The following IMPG2 variants were observed in gnomAD, a reference collection of about 807,000 sequenced individuals.
IMPG2 encodes interphotoreceptor matrix proteoglycan 2.
A neutral mutation model predicts 129.2 loss-of-function variants in IMPG2; 91 were observed. The ratio of observed to expected loss-of-function variants is 0.70; its 90% CI spans 0.59 to 0.84. The LOEUF is 0.84. Among genes scored for constraint, IMPG2 ranks in the 40% least tolerant of loss-of-function variants. The pLI, the probability that IMPG2 is intolerant of heterozygous loss-of-function variation, is 0.00. For synonymous variants in IMPG2, 510 were observed against 517.7 expected (o/e 0.99, Z 0.20); for missense variants, 1,430 against 1,461.7 (o/e 0.98, Z 0.35).
intron 2 of IMPG2, among the ~76,000 whole-genome samples, chr3:101,304,969 A>C (rs968652500): frequency 6.6e-6 from 1 of 152,136 alleles, no homozygotes; most frequent in Non-Finnish European, 1.5e-5. Flanking sequence ...TCAAACTACT[A>C]TATTTCATAT....
rs1348202055 is a variant in IMPG2 at position 101,276,711 on chromosome 3, G to C, written c.536C>G (p.Ser179Cys). Residue 179 changes from serine to cysteine, a missense_variant and splice_region_variant, in exon 5 of 19, where the codon TCT becomes TGT. By Grantham distance (112) the Ser-to-Cys change is moderately radical. Coordinates refer to ENST00000193391, the MANE Select transcript of IMPG2 (RefSeq NM_016247.4). ...AACAGGAACTGGAGAAGACAGTTCA[G>C]AGCTAGAAAAAAAAATGTTTGCAGT... is the stretch of plus-strand genomic sequence containing the variant. ...LTYAKETVSS[S>C]ELSSPVPVGD... 6.2e-7 allele frequency: 1 copy of C among 1,606,952 alleles called. No individual in the cohort carries two copies. The highest frequency in any genetic ancestry group is 8.5e-7 in the Non-Finnish European group (1 of 1,174,138).
intron 14 of IMPG2, among the ~76,000 whole-genome samples, chr3:101,233,524 T>C (rs931148453): frequency 1.3e-5 from 2 of 152,172 alleles, no homozygotes; most frequent in Non-Finnish European, 2.9e-5. Context: ...ACAGTCAAGA[T>C]TTGTGAAAAT....
intron 9 of IMPG2, among the ~76,000 whole-genome samples, chr3:101,258,513 G>A (rs1706637193): frequency 6.6e-6 from 1 of 152,062 alleles, no homozygotes; most frequent in Non-Finnish European, 1.5e-5. Context: ...TTAGTAATCT[G>A]TTCCCAATTA....
chr3:101,315,202 T>C (rs1055129937), intron 2 of IMPG2, among the ~76,000 whole-genome samples: 10 of 152,204 alleles, frequency 6.6e-5, no homozygotes, highest in African/African-American at 1.9e-4. Context: ...AAGCCTGCCA[T>C]TGTTTGTTGT....
rs66908707 is a variant in IMPG2, at chr3:101,226,225, T to TTATATA, written c.*738_*743dup. ...TAGATTAATGGGAATCTTCTAAACT[T>TTATATA]TATATATATATATATATATATATAT... On this transcript the variant is annotated 3_prime_UTR_variant, in exon 19 of 19. Coordinates refer to ENST00000193391, the MANE Select transcript of IMPG2 (RefSeq NM_016247.4). 1.2e-3 allele frequency: 128 copies of TTATATA among 102,798 alleles called. 2 individuals carry two copies. Among genetic ancestry groups the TTATATA allele is most frequent in the African/African-American group, 1.9e-3 (43 of 22,920 alleles). The allele number at this position is 102,798 out of a possible 1,614,324, so 6.4% of individuals were successfully genotyped here. A position where few individuals can be genotyped will look rare whatever the true frequency, so the allele number is the denominator to read the frequency against.
chr3:101,235,003 C>T (rs2107210185), intron 14 of IMPG2, among the ~76,000 whole-genome samples: 1 of 152,310 alleles, frequency 6.6e-6, no homozygotes, highest in South Asian at 2.1e-4. Context: ...GAACACACGT[C>T]TACACAAAAA....
chr3:101,254,385 G>C (rs773236159), intron 10 of IMPG2, among the ~76,000 whole-genome samples: 1 of 152,052 alleles, frequency 6.6e-6, no homozygotes, highest in Non-Finnish European at 1.5e-5. Flanking sequence ...TTCTCTTCTA[G>C]AAGCATTGCA....
intron 9 of IMPG2, among the ~76,000 whole-genome samples, chr3:101,264,646 G>A (rs1450263562): frequency 6.6e-6 from 1 of 152,068 alleles, no homozygotes; most frequent in African/African-American, 2.4e-5. Flanking sequence ...AACAAGGCAA[G>A]AATGCCCACT....
rs569847526 is a variant in IMPG2, at chr3:101,292,197, A to C, written c.502-687T>G. Among the ~76,000 whole-genome samples the C allele has an allele frequency of 5.9e-5, 9 of 152,272 alleles. No individual in the cohort carries two copies. The South Asian group carries it at 1.9e-3, about 32-fold the overall frequency. On this transcript the variant is annotated intron_variant, in intron 3 of 18. Coordinates refer to ENST00000193391, the MANE Select transcript of IMPG2 (RefSeq NM_016247.4). ...GTAAAACAAAGAGACTGTTATTCTAAATACCTCTCATTGCATTTAGAAATG... is the reference window on the plus strand; with the variant it reads ...GTAAAACAAAGAGACTGTTATTCTACATACCTCTCATTGCATTTAGAAATG...
intron 9 of IMPG2, among the ~76,000 whole-genome samples, chr3:101,266,867 T>G (rs551153571): frequency 6.6e-6 from 1 of 152,318 alleles, no homozygotes; most frequent in South Asian, 2.1e-4. Context: ...AGCTGGCCAC[T>G]TCCCCCACTG....
At chr3:101,230,753 G>C (rs1706276206) in intron 16 of IMPG2, among the ~76,000 whole-genome samples, 1 of 152,072 alleles carries the variant, frequency 6.6e-6, no homozygotes, top group Non-Finnish European at 1.5e-5. Flanking sequence ...CCTCATCAAG[G>C]CTCCTTAGCA....
chr3:101,227,542 G>A (rs775708964), intron 18 of IMPG2, among the ~76,000 whole-genome samples: 24 of 152,230 alleles, frequency 1.6e-4, no homozygotes, highest in Non-Finnish European at 2.8e-4. Context: ...CATTCAGGCA[G>A]GTAGCTTTGA....
intron 7 of IMPG2, among the ~76,000 whole-genome samples, chr3:101,270,860 T>C (rs1487092994): frequency 1.3e-5 from 2 of 152,052 alleles, no homozygotes; most frequent in African/African-American, 2.4e-5. Flanking sequence ...ATTTAATCTG[T>C]AACATTTCAG....
At chr3:101,252,960 T>C (rs779010468) in intron 11 of IMPG2, among the ~76,000 whole-genome samples, 3 of 152,192 alleles carry the variant, frequency 2.0e-5, no homozygotes, top group Non-Finnish European at 4.4e-5. Flanking sequence ...AAGATTCCTG[T>C]ATTCATTGTA....
intron 4 of IMPG2, among the ~76,000 whole-genome samples, chr3:101,287,665 G>C (rs1559654096): frequency 6.6e-6 from 1 of 152,110 alleles, no homozygotes; most frequent in Non-Finnish European, 1.5e-5. Context: ...AATAAATGCT[G>C]CTGGGATAAC....
In IMPG2 at chr3:101,315,590, T is replaced by C. The variant is rs934321577; in HGVS notation, c.334+3994A>G. 3.9e-5 allele frequency among the ~76,000 whole-genome samples: 6 copies of C among 152,148 alleles called. 1 individual carries two copies. The highest frequency in any genetic ancestry group is 2.0e-4 in the Admixed American group (3 of 15,254). ...ATTCTGTGTATAGATTTCAGTCTCA[T>C]TCTCAAGATATCTCATGTCTATGCA... On this transcript the variant is annotated intron_variant, in intron 2 of 18. Coordinates refer to ENST00000193391, the MANE Select transcript of IMPG2 (RefSeq NM_016247.4).
At chr3:101,255,310 C>T (rs892851273) in intron 10 of IMPG2, among the ~76,000 whole-genome samples, 5 of 152,104 alleles carry the variant, frequency 3.3e-5, no homozygotes, top group Non-Finnish European at 7.4e-5. Context: ...AAGCCCAAGA[C>T]ACTTGAATTA....
chr3:101,313,498 C>T (rs1354260746), intron 2 of IMPG2, among the ~76,000 whole-genome samples: 1 of 152,078 alleles, frequency 6.6e-6, no homozygotes, highest in East Asian at 1.9e-4. Context: ...AGAAGATGTA[C>T]AAATGGGCTC....
At chr3:101,235,036 C>G (rs1010734339) in intron 14 of IMPG2, among the ~76,000 whole-genome samples, 2 of 152,120 alleles carry the variant, frequency 1.3e-5, no homozygotes, top group African/African-American at 4.8e-5. Context: ...TTCATATATA[C>G]CTTATACACA....
Sources: allele counts gnomAD v4.1 joint callset (sites outside exome capture counted in the v4.1 genomes callset), GRCh38; gene constraint gnomAD v4.1.1; transcripts MANE v1.5; gene names NCBI Gene and HGNC (gene_info 2026-07-23, HGNC 2026-07-21).